The following ETV6 variants were observed in gnomAD, a reference collection of about 807,000 sequenced individuals.
ETV6 encodes transcription factor ETV6.
ETV6 carries 16 observed loss-of-function variants against 51.1 expected under a neutral mutation model. The ratio of observed to expected loss-of-function variants is 0.31; its 90% CI spans 0.21 to 0.48. ETV6 has a LOEUF of 0.48. Among genes scored for constraint, ETV6 ranks in the 20% least tolerant of loss-of-function variants. The pLI is 0.99. For synonymous variants in ETV6, 240 were observed against 224.1 expected (o/e 1.07, Z -0.64); for missense variants, 458 against 594.8 (o/e 0.77, Z 2.39).
intron 1 of ETV6, among the ~76,000 whole-genome samples, chr12:11,696,665 A>G (rs141568701): frequency 7.2e-5 from 11 of 152,056 alleles, no homozygotes; most frequent in African/African-American, 2.4e-4. Context: ...AAGATACAAA[A>G]ATTAGCTGGG....
chr12:11,716,115 C>G (rs1221173915), intron 1 of ETV6, among the ~76,000 whole-genome samples: 1 of 152,024 alleles, frequency 6.6e-6, no homozygotes, highest in African/African-American at 2.4e-5. Flanking sequence ...AATCCCAACA[C>G]TTTGGGAGGC....
At chr12:11,666,983 G>A (rs1864207010) in intron 1 of ETV6, among the ~76,000 whole-genome samples, 1 of 152,194 alleles carries the variant, frequency 6.6e-6, no homozygotes, top group South Asian at 2.1e-4. Context: ...GCAGTAGGTT[G>A]AGAGTTGTTA....
intron 1 of ETV6, among the ~76,000 whole-genome samples, chr12:11,679,951 G>A (rs1864495970): frequency 6.6e-6 from 1 of 152,166 alleles, no homozygotes; most frequent in South Asian, 2.1e-4. Context: ...TGGCATCATG[G>A]TCTAGTGAGA....
At chr12:11,686,407 T>G (rs901791000) in intron 1 of ETV6, among the ~76,000 whole-genome samples, 1 of 152,234 alleles carries the variant, frequency 6.6e-6, no homozygotes, top group Non-Finnish European at 1.5e-5. Context: ...TGTCGGGAAT[T>G]CACTGTTCTG....
intron 5 of ETV6, among the ~76,000 whole-genome samples, chr12:11,870,890 G>A (rs1405446737): frequency 2.0e-5 from 3 of 152,214 alleles, no homozygotes; most frequent in Non-Finnish European, 2.9e-5. Context: ...AGCACCTACT[G>A]TCTGCCAGAG....
At chr12:11,754,206 T>C (rs1944969218) in intron 2 of ETV6, among the ~76,000 whole-genome samples, 3 of 152,220 alleles carry the variant, frequency 2.0e-5, no homozygotes, top group African/African-American at 4.8e-5. Context: ...CAAATAGTTA[T>C]TGATTGCCTC....
At chr12:11,657,587 A>G (rs1015996859) in intron 1 of ETV6, among the ~76,000 whole-genome samples, 2 of 152,254 alleles carry the variant, frequency 1.3e-5, no homozygotes, top group Non-Finnish European at 2.9e-5. Context: ...GTACTCCCCC[A>G]TGAAGACACA....
At chr12:11,669,692 A>G (rs960063980) in intron 1 of ETV6, among the ~76,000 whole-genome samples, 4 of 152,076 alleles carry the variant, frequency 2.6e-5, no homozygotes, top group Non-Finnish European at 5.9e-5. Context: ...CACCTCTGTA[A>G]AGGTATTTTG....
chr12:11,734,537 A>G (rs1223563829), intron 1 of ETV6, among the ~76,000 whole-genome samples: 1 of 151,996 alleles, frequency 6.6e-6, no homozygotes, highest in African/African-American at 2.4e-5. Flanking sequence ...AAGAAAAAAA[A>G]AAAAAGAAGA....
intron 2 of ETV6, among the ~76,000 whole-genome samples, chr12:11,834,692 G>T (rs1457645464): frequency 1.3e-5 from 2 of 152,194 alleles, no homozygotes; most frequent in East Asian, 3.8e-4. Context: ...TCTGTCTTCT[G>T]TGATTCAGAA....
At chr12:11,765,489 A>G (rs991593900) in intron 2 of ETV6, among the ~76,000 whole-genome samples, 8 of 151,280 alleles carry the variant, frequency 5.3e-5, no homozygotes, top group Admixed American at 1.3e-4. Context: ...GTGATTTTAA[A>G]TGGAAAATTA....
chr12:11,865,956 AT>A (rs1218055879), intron 4 of ETV6, among the ~76,000 whole-genome samples: 2 of 151,958 alleles, frequency 1.3e-5, no homozygotes, highest in East Asian at 3.9e-4. Flanking sequence ...TTATTTTTTA[AT>A]TTATTCTACT....
rs1252508359 is a variant in ETV6, at chr12:11,893,472, TGAAGAA to T, written c.*2430_*2435del. The T allele has an allele frequency of 4.3e-6, 1 of 231,580 alleles. No individual in the cohort carries two copies. The highest frequency in any genetic ancestry group is 8.5e-6 in the Non-Finnish European group (1 of 117,144). The allele number at this position is 231,580 out of a possible 1,614,324, so 14.3% of individuals were successfully genotyped here. On this transcript the variant is annotated 3_prime_UTR_variant, in exon 8 of 8. Transcript: ENST00000396373. ...ACTTAGGATGATACCTTCAGCCACTTGAAGAAGAAATAGAAGGCGCTCATTCCAATA... is the reference window on the plus strand; with the variant it reads ...ACTTAGGATGATACCTTCAGCCACTTGAAATAGAAGGCGCTCATTCCAATA...
At chr12:11,829,492 A>G (rs1349459434) in intron 2 of ETV6, among the ~76,000 whole-genome samples, 3 of 152,186 alleles carry the variant, frequency 2.0e-5, no homozygotes, top group Non-Finnish European at 2.9e-5. Context: ...CCAAGGTCTG[A>G]TCTAAAATGC....
At chr12:11,717,475 C>G (rs1393138771) in intron 1 of ETV6, among the ~76,000 whole-genome samples, 1 of 152,148 alleles carries the variant, frequency 6.6e-6, no homozygotes. Context: ...AAATAAATAT[C>G]TTTTTGGCAA....
At chr12:11,784,894 A>G (rs1945463702) in intron 2 of ETV6, among the ~76,000 whole-genome samples, 2 of 133,918 alleles carry the variant, frequency 1.5e-5, no homozygotes, top group Non-Finnish European at 3.0e-5. Context: ...TTTGGTAGAA[A>G]TGAGGTCTCA....
intron 4 of ETV6, among the ~76,000 whole-genome samples, chr12:11,864,152 A>C (rs567656514): frequency 7.2e-5 from 11 of 152,318 alleles, no homozygotes; most frequent in Non-Finnish European, 1.2e-4. Context: ...ACGGAGAGTG[A>C]AATCTCTCCA....
chr12:11,822,820 G>A lies in ETV6; in HGVS notation c.164-16320G>A, dbSNP rs188108124. On this transcript the variant is annotated intron_variant, in intron 2 of 7. Transcript: ENST00000396373. ...CAGAAAGGACAGCCATTGCTTCCTG[G>A]AAGCTGGGCTTGGCAACAGGCATGG... 3.1e-3 allele frequency among the ~76,000 whole-genome samples: 473 copies of A among 152,338 alleles called. 2 individuals carry two copies. Among genetic ancestry groups the A allele is most frequent in the Middle Eastern group, 0.014 (4 of 294 alleles).
intron 1 of ETV6, among the ~76,000 whole-genome samples, chr12:11,714,239 G>A (rs1487742853): frequency 6.6e-6 from 1 of 152,158 alleles, no homozygotes; most frequent in South Asian, 2.1e-4. Flanking sequence ...AGAGGCAAGG[G>A]AAGACAGAAA....
Sources: allele counts gnomAD v4.1 joint callset (sites outside exome capture counted in the v4.1 genomes callset), GRCh38; gene constraint gnomAD v4.1.1; transcripts MANE v1.5; gene names NCBI Gene and HGNC (gene_info 2026-07-23, HGNC 2026-07-21).